Variants in ZNF385B observed in about 807,000 individuals in gnomAD.
ZNF385B encodes zinc finger protein 385B.
ZNF385B carries 23 observed loss-of-function variants against 39.2 expected under a neutral mutation model. The observed-to-expected ratio is 0.59, with a 90% CI of 0.42 to 0.83. ZNF385B has a LOEUF of 0.83. Among genes scored for constraint, ZNF385B ranks in the 40% least tolerant of loss-of-function variants. The probability of loss-of-function intolerance (pLI) is 0.00; values close to 1 mark genes in which losing one functional copy is unlikely to be tolerated. For synonymous variants in ZNF385B, 205 were observed against 222.6 expected, an observed-to-expected ratio of 0.92 and a Z score of 0.70; for missense variants, 552 against 598.9, an observed-to-expected ratio of 0.92 and a Z score of 0.82.
At chr2:179,513,554 G>A (rs2057850991) in intron 5 of ZNF385B, among the ~76,000 whole-genome samples, 2 of 152,106 alleles carry the variant, frequency 1.3e-5, no homozygotes, top group South Asian at 2.1e-4. Flanking sequence ...GTAATTGTGG[G>A]GCTCGAAAGA....
chr2:179,692,861 C>T lies in ZNF385B; in HGVS notation c.298+76642G>A, dbSNP rs955302874. Among the ~76,000 whole-genome samples, 8 of 152,134 alleles carry T rather than the reference C, an allele frequency of 5.3e-5. 1 individual carries two copies. The highest frequency in any genetic ancestry group is 9.7e-5 in the African/African-American group (4 of 41,434). On this transcript the variant is annotated intron_variant, in intron 3 of 9. Transcript: ENST00000410066. The stretch of plus-strand genomic sequence containing the variant: ...TCCTTGCCCCTTCTGTTCACAGGAG[C>T]AAGTACTTGCCTCCTCCTGCAGCAG...
At chr2:179,591,104 TACAC>T (rs143269141) in intron 3 of ZNF385B, among the ~76,000 whole-genome samples, 2 of 149,704 alleles carry the variant, frequency 1.3e-5, no homozygotes, top group African/African-American at 4.9e-5. Context: ...ATGATTCATT[TACAC>T]ACACACACAC....
At chr2:179,609,403 AT>A (rs746269434) in intron 3 of ZNF385B, among the ~76,000 whole-genome samples, 1 of 152,150 alleles carries the variant, frequency 6.6e-6, no homozygotes, top group Non-Finnish European at 1.5e-5. Context: ...ACAGGATCTC[AT>A]TCTTTTCTAT....
intron 6 of ZNF385B, among the ~76,000 whole-genome samples, chr2:179,475,996 A>G: frequency 7.1e-6 from 1 of 141,756 alleles, no homozygotes; most frequent in African/African-American, 2.6e-5. Flanking sequence ...CAGCCTGGGC[A>G]ACAGAGTGAG....
chr2:179,777,619 A>T (rs1309550225), intron 1 of ZNF385B, among the ~76,000 whole-genome samples: 1 of 152,138 alleles, frequency 6.6e-6, no homozygotes, highest in Non-Finnish European at 1.5e-5. Context: ...TCTAGGAAAA[A>T]AGGAATCTAT....
At chr2:179,729,935 C>T (rs1206155592) in intron 3 of ZNF385B, among the ~76,000 whole-genome samples, 3 of 152,172 alleles carry the variant, frequency 2.0e-5, no homozygotes, top group African/African-American at 4.8e-5. Context: ...CCTGAGGCCT[C>T]CCCAGCCATC....
chr2:179,525,533 A>G (rs2058832210), intron 4 of ZNF385B, among the ~76,000 whole-genome samples: 1 of 152,230 alleles, frequency 6.6e-6, no homozygotes, highest in Non-Finnish European at 1.5e-5. Context: ...GCTGCTAAGC[A>G]GACCGCAGCT....
At chr2:179,470,921 T>C (rs2052702687) in intron 6 of ZNF385B, among the ~76,000 whole-genome samples, 1 of 151,752 alleles carries the variant, frequency 6.6e-6, no homozygotes, top group African/African-American at 2.4e-5. Context: ...TCTTGTTTTA[T>C]GTCCTTGAGA....
intron 3 of ZNF385B, among the ~76,000 whole-genome samples, chr2:179,631,881 A>C (rs1397401755): frequency 6.6e-6 from 1 of 152,148 alleles, no homozygotes; most frequent in African/African-American, 2.4e-5. Context: ...AAAAACAAAC[A>C]GTGGTTGCAA....
chr2:179,769,323 G>A (rs1034308787), intron 3 of ZNF385B, among the ~76,000 whole-genome samples, 180 bp downstream of exon 3: 1 of 152,206 alleles, frequency 6.6e-6, no homozygotes, highest in Non-Finnish European at 1.5e-5. Context: ...GTCAGTGGGT[G>A]TAACAAATAT....
intron 3 of ZNF385B, among the ~76,000 whole-genome samples, chr2:179,745,281 A>C (rs1702311948): frequency 6.6e-6 from 1 of 152,106 alleles, no homozygotes; most frequent in Non-Finnish European, 1.5e-5. Flanking sequence ...TCGAAACATG[A>C]CTTGTCTCCT....
intron 3 of ZNF385B, among the ~76,000 whole-genome samples, chr2:179,597,222 AC>A (rs1309719539): frequency 5.9e-5 from 9 of 152,272 alleles, no homozygotes; most frequent in Non-Finnish European, 5.9e-5. Flanking sequence ...GCAGCACGCC[AC>A]TTCAGGTACC....
chr2:179,745,683 G>A, intron 3 of ZNF385B: 1 of 1,528,642 alleles, frequency 6.5e-7, no homozygotes, highest in Non-Finnish European at 8.8e-7. Context: ...CCAGACCCCA[G>A]CATCCAAGTT....
At chr2:179,748,844 C>T (rs1177301551) in intron 3 of ZNF385B, among the ~76,000 whole-genome samples, 4 of 151,998 alleles carry the variant, frequency 2.6e-5, no homozygotes, top group Admixed American at 6.6e-5. Context: ...ATAGAACATC[C>T]GCTGTCTTCA....
intron 3 of ZNF385B, among the ~76,000 whole-genome samples, chr2:179,568,812 A>G (rs1199281866): frequency 1.3e-5 from 2 of 152,188 alleles, no homozygotes; most frequent in Admixed American, 1.3e-4. Context: ...CAGATTTGAT[A>G]TAAGAGGACA....
chr2:179,847,004 GAATA>G (rs1160987201), intron 1 of ZNF385B, among the ~76,000 whole-genome samples: 2 of 152,226 alleles, frequency 1.3e-5, no homozygotes, highest in Non-Finnish European at 2.9e-5. Context: ...AAGAGAATGT[GAATA>G]AATAAATGCA....
intron 1 of ZNF385B, among the ~76,000 whole-genome samples, chr2:179,799,439 G>A (rs552626877): frequency 4.9e-4 from 75 of 152,066 alleles, no homozygotes; most frequent in African/African-American, 1.8e-3. Flanking sequence ...TTAGGCATCT[G>A]CAGGAACAAA....
chr2:179,564,470 A>G (rs577529009), intron 3 of ZNF385B, among the ~76,000 whole-genome samples: 1 of 152,282 alleles, frequency 6.6e-6, no homozygotes, highest in African/African-American at 2.4e-5. Context: ...ACCTTACCCT[A>G]TCAATCACCG....
chr2:179,530,883 C>A (rs374123424), intron 4 of ZNF385B, among the ~76,000 whole-genome samples: 13 of 152,230 alleles, frequency 8.5e-5, no homozygotes, highest in African/African-American at 2.9e-4. Context: ...GCCCTTAATT[C>A]CACATGCCAC....
Sources: allele counts gnomAD v4.1 joint callset (sites outside exome capture counted in the v4.1 genomes callset), GRCh38; gene constraint gnomAD v4.1.1; transcripts MANE v1.5; gene names NCBI Gene and HGNC (gene_info 2026-07-23, HGNC 2026-07-21).